The following EPG5 variants were observed in gnomAD, a reference collection of about 807,000 sequenced individuals.
The protein encoded by EPG5 is ectopic P granules protein 5 homolog.
In EPG5, 159 loss-of-function variants were observed where a neutral mutation model predicts 302.7. That is an observed-to-expected ratio of 0.53 (90% CI 0.46 to 0.60). The LOEUF (loss-of-function observed/expected upper bound fraction) is 0.60. Ranked by LOEUF, EPG5 falls within the 20% of genes least tolerant of loss-of-function variation. The probability of loss-of-function intolerance (pLI) is 0.00; values close to 1 mark genes in which losing one functional copy is unlikely to be tolerated. For missense variants in EPG5, 2,896 were observed against 3,092.4 expected (o/e 0.94, Z 1.51); for synonymous variants, 1,158 against 1,136.8 (o/e 1.02, Z -0.37).
chr18:45,894,745 TAGAAA>T (rs1464305215), intron 27 of EPG5, among the ~76,000 whole-genome samples: 1 of 151,040 alleles, frequency 6.6e-6, no homozygotes, highest in Non-Finnish European at 1.5e-5. Context: ...ATGTTGTGTT[TAGAAA>T]AATGCAGAAA....
downstream of EPG5, among the ~76,000 whole-genome samples, chr18:45,844,938 C>T (rs2145097183): frequency 6.6e-6 from 1 of 152,340 alleles, no homozygotes; most frequent in Non-Finnish European, 1.5e-5. Context: ...TAAGTATCTG[C>T]TTTGTGCTCT....
At position 45,858,037 on chromosome 18, in the gene EPG5, A is replaced by G. The variant is rs777351158; in HGVS notation, c.7258T>C (p.Trp2420Arg). Residue 2420 changes from tryptophan to arginine, a missense_variant, in exon 42 of 44, where the codon TGG becomes CGG. Physicochemically the swap from Trp to Arg is moderately radical, Grantham distance 101. This residue lies in a region of EPG5 where 620 missense variants were observed against 704.2 expected (regional missense o/e 0.88). Coordinates refer to ENST00000282041, the MANE Select transcript of EPG5 (RefSeq NM_020964.3). ...GAGAGCTGAAGGACTTGGTGCCACC[A>G]CAAAAACAGCTTTGCCTCTTCCTCC... ...SVEEEAKLFL[W>R]WHQVLQLSLI... The G allele has an allele frequency of 1.3e-5, 21 of 1,613,676 alleles. No homozygotes were observed. Among genetic ancestry groups the G allele is most frequent in the Non-Finnish European group, 1.7e-5 (20 of 1,179,864 alleles).
At chr18:45,886,951 C>A (rs1239916394) in intron 29 of EPG5, among the ~76,000 whole-genome samples, 1 of 152,164 alleles carries the variant, frequency 6.6e-6, no homozygotes, top group Non-Finnish European at 1.5e-5. Flanking sequence ...AGCCACCCCA[C>A]CGGACCAGCA....
intron 1 of EPG5, among the ~76,000 whole-genome samples, chr18:45,963,846 C>T (rs1415079026): frequency 2.6e-5 from 4 of 152,120 alleles, no homozygotes; most frequent in African/African-American, 9.7e-5. Context: ...AGAGAATGGG[C>T]AGCAAGAATG....
At chr18:45,896,010 A>G (rs1371850660) in intron 27 of EPG5, among the ~76,000 whole-genome samples, 1 of 152,200 alleles carries the variant, frequency 6.6e-6, no homozygotes, top group Non-Finnish European at 1.5e-5. Flanking sequence ...TAATTCCCCA[A>G]CTTCATAGCA....
At chr18:45,911,443 G>A (rs1191563735) in intron 22 of EPG5, among the ~76,000 whole-genome samples, 89 of 151,566 alleles carry the variant, frequency 5.9e-4, no homozygotes, top group African/African-American at 2.0e-3. Flanking sequence ...CCGCCACCAC[G>A]CCTGGCTAAT....
chr18:45,869,083 G>A (rs1338911351), intron 36 of EPG5, among the ~76,000 whole-genome samples: 1 of 151,428 alleles, frequency 6.6e-6, no homozygotes, highest in Non-Finnish European at 1.5e-5. Context: ...AGAGAATGAG[G>A]AACAGATGTA....
downstream of EPG5, among the ~76,000 whole-genome samples, chr18:45,847,213 T>C (rs1257747954): frequency 6.6e-6 from 1 of 152,080 alleles, no homozygotes; most frequent in Non-Finnish European, 1.5e-5. Context: ...GAGTGAAAAA[T>C]AACACTAAAG....
Position 45,852,547 on chromosome 18 carries a change from G to T in EPG5, c.7660C>A (p.Leu2554Ile), listed in dbSNP as rs1239915974. The change falls in exon 44 of 44, where the codon CTT (leucine) becomes ATT (isoleucine). Residue 2554 changes from leucine to isoleucine, a missense_variant. Around this residue, in one of 5 missense-constraint regions of EPG5, gnomAD observed 620 missense variants for 704.2 expected, o/e 0.88. Transcript: ENST00000282041. Reference sequence around the variant, plus strand: ...GCCAAGAAGCTTTTCCCATCTTGAAGGCAATGGCCAGGATGCCTTATAAAT... The same window carrying T: ...GCCAAGAAGCTTTTCCCATCTTGAATGCAATGGCCAGGATGCCTTATAAAT... The part of the protein sequence containing the change: ...TQFIRHPGHC[L>I]QDGKSFLALL... 4 of 1,614,174 alleles carry T rather than the reference G, an allele frequency of 2.5e-6. No individual in the cohort carries two copies. The highest frequency in any genetic ancestry group is 3.3e-5 in the Admixed American group (2 of 60,032).
At chr18:45,918,753 G>C (rs1231444775) in intron 16 of EPG5, among the ~76,000 whole-genome samples, 6 of 152,092 alleles carry the variant, frequency 3.9e-5, no homozygotes, top group Non-Finnish European at 4.4e-5. Flanking sequence ...CTGCTATAAA[G>C]ATACTAGGGA....
In EPG5 at chr18:45,952,533, C is replaced by T; in HGVS notation, c.1119G>A (p.Glu373=). Reference sequence around the variant, plus strand: ...GAAGGGCCAGGGTCTGGTGGAGGTGCTCAGATTTGGCATCGAATAGCTTCT... The same window carrying T: ...GAAGGGCCAGGGTCTGGTGGAGGTGTTCAGATTTGGCATCGAATAGCTTCT... ...ELKKLFDAKS[E]HLHQTLALHS... Residue 373 remains glutamate, a synonymous_variant, in exon 3 of 44, where the codon GAG becomes GAA. Coordinates refer to ENST00000282041, the MANE Select transcript of EPG5 (RefSeq NM_020964.3). The T allele has an allele frequency of 6.2e-7, 1 of 1,614,138 alleles. No individual in the cohort carries two copies.
At chr18:45,913,667 C>A (rs1034149162) in intron 21 of EPG5, 39 bp downstream of exon 21, 1 of 1,609,952 alleles carries the variant, frequency 6.2e-7, no homozygotes, top group African/African-American at 1.3e-5. Flanking sequence ...AAAGTGTAAG[C>A]CACCTTCTAC....
chr18:45,838,852 G>A, the EPG5 span: 318 of 1,575,652 alleles, frequency 2.0e-4, no homozygotes, highest in Admixed American at 1.7e-3. Context: ...CTTGGCAGCC[G>A]TGCGGAGCCC....
At chr18:45,827,711 C>A in the EPG5 span, among the ~76,000 whole-genome samples, 7 of 152,182 alleles carry the variant, frequency 4.6e-5, no homozygotes, top group African/African-American at 1.7e-4. Flanking sequence ...CCCTCAGTGG[C>A]CGCACGATAA....
At chr18:45,842,172 C>G in the EPG5 span, 2 of 1,614,198 alleles carry the variant, frequency 1.2e-6, no homozygotes, top group East Asian at 2.2e-5. Context: ...CACCAGCCAC[C>G]ATGTGCTCAC....
intron 6 of EPG5, among the ~76,000 whole-genome samples, 187 bp downstream of exon 6, chr18:45,948,316 A>G (rs2050831687): frequency 6.6e-6 from 1 of 152,250 alleles, no homozygotes; most frequent in Non-Finnish European, 1.5e-5. Flanking sequence ...ATGGTTGCTT[A>G]TATATAAGCA....
rs557818181 is a variant in EPG5 at position 45,959,363 on chromosome 18, GGGCCA to G, written c.64-4030_64-4026del. Reference sequence around the variant, plus strand: ...CTCACAAAATACATAAATAGGGGCCGGGCCAGGCATGGGCGGCTCACACCTGTAAT... The same window carrying G: ...CTCACAAAATACATAAATAGGGGCCGGGCATGGGCGGCTCACACCTGTAAT... On this transcript the variant is annotated intron_variant, in intron 1 of 43. Transcript: ENST00000282041. Among the ~76,000 whole-genome samples, 792 of 151,792 alleles carry G rather than the reference GGGCCA, an allele frequency of 5.2e-3. 6 individuals carry two copies. Among genetic ancestry groups the G allele is most frequent in the African/African-American group, 0.018 (737 of 41,404 alleles).
chr18:45,874,502 G>A (rs1444085299), intron 35 of EPG5, among the ~76,000 whole-genome samples: 2 of 152,104 alleles, frequency 1.3e-5, no homozygotes, highest in Non-Finnish European at 2.9e-5. Context: ...CATGTGGCTG[G>A]GGAGGCCTCA....
Position 45,870,612 on chromosome 18 carries a change from C to T in EPG5, c.6180G>A (p.Trp2060Ter). The T allele has an allele frequency of 6.2e-7, 1 of 1,614,096 alleles. No individual in the cohort carries two copies. The highest frequency in any genetic ancestry group is 8.5e-7 in the Non-Finnish European group (1 of 1,179,998). ...AFHSTYRKLP[W>*]KDLHPDQMLM... ...GCATCTGGTCAGGGTGCAGGTCCTT[C>T]CATGGCAGTTTCCGGTACGTGCTAT... Residue 2060 changes from tryptophan to a stop codon, truncating the protein, a stop_gained, in exon 36 of 44, where the codon TGG becomes TGA. Transcript: ENST00000282041. LOFTEE classifies it high-confidence loss of function.
Sources: allele counts gnomAD v4.1 joint callset (sites outside exome capture counted in the v4.1 genomes callset), GRCh38; gene constraint gnomAD v4.1.1; regional missense constraint gnomAD v4.1.1; transcripts MANE v1.5; gene names NCBI Gene and HGNC (gene_info 2026-07-23, HGNC 2026-07-21).